The following SYNPR variants were observed in gnomAD, a reference collection of about 807,000 sequenced individuals.
SYNPR encodes the protein synaptoporin.
In SYNPR, 23 loss-of-function variants were observed where a neutral mutation model predicts 32.9. The ratio of observed to expected loss-of-function variants is 0.70; its 90% CI spans 0.50 to 0.99. SYNPR has a LOEUF of 0.99. Ranked by LOEUF, SYNPR falls within the 50% of genes least tolerant of loss-of-function variation. The probability of loss-of-function intolerance (pLI) is 0.00; values close to 1 mark genes in which losing one functional copy is unlikely to be tolerated. For synonymous variants in SYNPR, 146 were observed against 135.9 expected, an observed-to-expected ratio of 1.07 and a Z score of -0.52; for missense variants, 318 against 349.3, an observed-to-expected ratio of 0.91 and a Z score of 0.71.
At chr3:63,428,080 G>A (rs77897077) in intron 2 of SYNPR, among the ~76,000 whole-genome samples, 1 of 152,040 alleles carries the variant, frequency 6.6e-6, no homozygotes, top group Non-Finnish European at 1.5e-5. Context: ...TTTCATAGTT[G>A]GGAATTAAAT....
chr3:63,479,849 T>C (rs1412714501), intron 2 of SYNPR, among the ~76,000 whole-genome samples: 3 of 152,198 alleles, frequency 2.0e-5, no homozygotes, highest in Non-Finnish European at 4.4e-5. Context: ...CCCAGTTGAC[T>C]TCTGTGCAAT....
chr3:63,362,859 G>T (rs2087679252), intron 2 of SYNPR, among the ~76,000 whole-genome samples: 1 of 152,078 alleles, frequency 6.6e-6, no homozygotes, highest in Non-Finnish European at 1.5e-5. Flanking sequence ...TTCTAAAATT[G>T]CTCTATACCT....
chr3:63,495,905 C>G (rs373327697), intron 3 of SYNPR, among the ~76,000 whole-genome samples: 1 of 151,832 alleles, frequency 6.6e-6, no homozygotes, highest in Non-Finnish European at 1.5e-5. Context: ...TTCTCCAAGC[C>G]CACAGAATGT....
At chr3:63,298,446 T>C (rs1365330123) in intron 2 of SYNPR, among the ~76,000 whole-genome samples, 1 of 143,492 alleles carries the variant, frequency 7.0e-6, no homozygotes, top group African/African-American at 2.6e-5. Flanking sequence ...GAAATAGGAA[T>C]GAAGAACCAG....
intron 3 of SYNPR, among the ~76,000 whole-genome samples, chr3:63,519,303 G>C (rs79680465): frequency 0.043 from 6,553 of 152,232 alleles, 237 homozygotes; most frequent in South Asian, 0.073. Context: ...GTGAAACCAT[G>C]AAAGAGTCAT....
intron 1 of SYNPR, among the ~76,000 whole-genome samples, chr3:63,240,127 A>G (rs1377561193): frequency 6.6e-6 from 1 of 152,044 alleles, no homozygotes; most frequent in Admixed American, 6.6e-5. Context: ...GAGTTTTGTT[A>G]GTTTTTGAAA....
intron 2 of SYNPR, among the ~76,000 whole-genome samples, chr3:63,316,405 T>A (rs748010402): frequency 6.6e-6 from 1 of 152,040 alleles, no homozygotes; most frequent in Non-Finnish European, 1.5e-5. Flanking sequence ...ACCATTTCAA[T>A]TTAAATGCTT....
rs560451712 is a variant in SYNPR at position 63,249,367 on chromosome 3, G to A, written n.67-3132G>A. On this transcript the variant is annotated intron_variant and non_coding_transcript_variant, in intron 1 of 4. Coordinates refer to the SYNPR transcript ENST00000478456. ...TGTAGTCTTTTTGAAGGGGAGATGT[G>A]GTGATATTCATCAATATTTTAAAAA... Among the ~76,000 whole-genome samples the A allele has an allele frequency of 7.9e-5, 12 of 152,128 alleles. No homozygotes were observed. In the South Asian group the frequency reaches 1.9e-3, roughly 24 times the overall value.
chr3:63,539,310 C>T (rs529480356), intron 3 of SYNPR, among the ~76,000 whole-genome samples: 1 of 152,192 alleles, frequency 6.6e-6, no homozygotes, highest in Non-Finnish European at 1.5e-5. Context: ...ATTTTTGGTG[C>T]ATTTTCACAA....
chr3:63,559,651 A>G (rs1463864451), intron 4 of SYNPR, among the ~76,000 whole-genome samples: 3 of 150,342 alleles, frequency 2.0e-5, no homozygotes, highest in South Asian at 4.2e-4. Context: ...ACACTTTAAT[A>G]TGTTAACTTA....
intron 2 of SYNPR, among the ~76,000 whole-genome samples, chr3:63,452,618 C>T (rs6445346): frequency 0.87 from 131,723 of 152,136 alleles, 57,181 homozygotes; most frequent in Middle Eastern, 0.95. Context: ...ACCTCATACA[C>T]AGGACTTGAA....
At chr3:63,210,682 T>C in the SYNPR span, among the ~76,000 whole-genome samples, 1 of 152,188 alleles carries the variant, frequency 6.6e-6, no homozygotes, top group East Asian at 1.9e-4. Flanking sequence ...TAAAAACACC[T>C]GGTAACTGTT....
At chr3:63,204,265 C>A in the SYNPR span, among the ~76,000 whole-genome samples, 1 of 152,142 alleles carries the variant, frequency 6.6e-6, no homozygotes, top group Admixed American at 6.5e-5. Flanking sequence ...GGGCCATGTT[C>A]CCTCCGAAGA....
At chr3:63,405,241 A>T (rs776924146) in intron 2 of SYNPR, among the ~76,000 whole-genome samples, 4 of 152,184 alleles carry the variant, frequency 2.6e-5, no homozygotes, top group Non-Finnish European at 5.9e-5. Flanking sequence ...TCAGAATTCA[A>T]TGGGAAAATA....
At chr3:63,522,884 C>T (rs1244532870) in intron 3 of SYNPR, among the ~76,000 whole-genome samples, 2 of 152,084 alleles carry the variant, frequency 1.3e-5, no homozygotes, top group Non-Finnish European at 2.9e-5. Flanking sequence ...ACCCTAAGAG[C>T]ACAGGATGCT....
chr3:63,217,712 T>A, the SYNPR span, among the ~76,000 whole-genome samples: 1 of 152,134 alleles, frequency 6.6e-6, no homozygotes, highest in Non-Finnish European at 1.5e-5. Context: ...GCTGTTCCTA[T>A]TCCTTGAATC....
rs151213989 is a variant in SYNPR at position 63,242,075 on chromosome 3, C to T, written n.67-10424C>T. Among the ~76,000 whole-genome samples the T allele has an allele frequency of 3.1e-3, 467 of 151,920 alleles. 4 individuals carry two copies. Among genetic ancestry groups the T allele is most frequent in the Admixed American group, 6.3e-3 (96 of 15,222 alleles). On this transcript the variant is annotated intron_variant and non_coding_transcript_variant, in intron 1 of 4. Transcript: ENST00000478456. Reference sequence around the variant, plus strand: ...ACATGATTAATATGAGGAATAAAAGCGAGGAAAGAACCCCTTCTAATTAGA... The same window carrying T: ...ACATGATTAATATGAGGAATAAAAGTGAGGAAAGAACCCCTTCTAATTAGA...
chr3:63,455,759 GT>G (rs1700471201), intron 2 of SYNPR, among the ~76,000 whole-genome samples: 2 of 147,396 alleles, frequency 1.4e-5, no homozygotes, highest in Non-Finnish European at 3.0e-5. Context: ...TGTTTGGGGT[GT>G]GTGTGTGTGT....
chr3:63,544,745 A>G (rs140500542), intron 3 of SYNPR, among the ~76,000 whole-genome samples: 2 of 152,116 alleles, frequency 1.3e-5, no homozygotes, highest in African/African-American at 2.4e-5. Context: ...CAACTTTAGT[A>G]ATCAGACTTA....
Sources: gnomAD v4.1 joint callset for allele counts (sites outside exome capture counted in the v4.1 genomes callset) on GRCh38, gnomAD v4.1.1 for gene constraint, MANE v1.5 for transcripts, NCBI Gene and HGNC (gene_info 2026-07-23, HGNC 2026-07-21) for gene names.